The following NTF3 variants were observed in gnomAD, a reference collection of about 807,000 sequenced individuals.
NTF3 encodes neurotrophin 3, also known as neurotrophin-3.
A neutral mutation model predicts 26.3 loss-of-function variants in NTF3; 8 were observed. The ratio of observed to expected loss-of-function variants is 0.30; its 90% CI spans 0.18 to 0.55. The LOEUF is 0.55. Among genes scored for constraint, NTF3 ranks in the 20% least tolerant of loss-of-function variants. The probability of loss-of-function intolerance (pLI) is 0.93; values close to 1 mark genes in which losing one functional copy is unlikely to be tolerated. For missense variants in NTF3, 276 were observed against 352.9 expected, an observed-to-expected ratio of 0.78 and a Z score of 1.75; for synonymous variants, 154 against 145.5, an observed-to-expected ratio of 1.06 and a Z score of -0.42.
Position 5,433,759 on chromosome 12 carries a change from G to T in NTF3, c.18+1417G>T, listed in dbSNP as rs866401777. Among the ~76,000 whole-genome samples the T allele has an allele frequency of 5.3e-5, 8 of 151,728 alleles. No homozygotes were observed. The highest frequency in any genetic ancestry group is 1.9e-4 in the African/African-American group (8 of 41,290). On this transcript the variant is annotated intron_variant, in intron 1 of 1. Transcript: ENST00000423158. The surrounding 1 kb of genome is among the most constrained non-coding windows in gnomAD (Gnocchi z 4.6). ...CAGGTTCTGAGTCCGAATGGAGGTTGCTCCCGGGAGCGCCGGGCTCAGAGC... is the reference window on the plus strand; with the variant it reads ...CAGGTTCTGAGTCCGAATGGAGGTTTCTCCCGGGAGCGCCGGGCTCAGAGC...
At chr12:5,446,712 G>A (rs1455446581) in intron 1 of NTF3, among the ~76,000 whole-genome samples, 1 of 152,164 alleles carries the variant, frequency 6.6e-6, no homozygotes, top group Non-Finnish European at 1.5e-5. Flanking sequence ...TGCAATCCCT[G>A]GGTTTCTCAT....
At chr12:5,442,533 CCTTT>C (rs1353197385) in intron 1 of NTF3, among the ~76,000 whole-genome samples, 1 of 152,170 alleles carries the variant, frequency 6.6e-6, no homozygotes, top group African/African-American at 2.4e-5. Flanking sequence ...GCTTCTACTT[CCTTT>C]CTAATTATAC....
chr12:5,479,630 AC>A (rs778918109), intron 1 of NTF3, among the ~76,000 whole-genome samples: 1 of 152,120 alleles, frequency 6.6e-6, no homozygotes, highest in Non-Finnish European at 1.5e-5. Flanking sequence ...CCCATCCCTC[AC>A]CTACTCTGTG....
intron 1 of NTF3, among the ~76,000 whole-genome samples, chr12:5,476,521 G>A (rs541204524): frequency 3.7e-4 from 56 of 152,318 alleles, no homozygotes; most frequent in South Asian, 6.2e-4. Context: ...AGCAGCCTGC[G>A]TGTCTGCTGG....
At chr12:5,471,539 G>T (rs1325845324) in intron 1 of NTF3, among the ~76,000 whole-genome samples, 1 of 152,204 alleles carries the variant, frequency 6.6e-6, no homozygotes, top group Non-Finnish European at 1.5e-5. Flanking sequence ...TCTCAGGAGA[G>T]GCAGCTTCGG....
chr12:5,449,375 T>G (rs748383658), intron 1 of NTF3, among the ~76,000 whole-genome samples: 12 of 152,232 alleles, frequency 7.9e-5, no homozygotes, highest in Non-Finnish European at 1.8e-4. Flanking sequence ...TTTTCTCTGC[T>G]TTCAGTTTGT....
At chr12:5,477,353 C>T (rs1940737685) in intron 1 of NTF3, among the ~76,000 whole-genome samples, 1 of 152,192 alleles carries the variant, frequency 6.6e-6, no homozygotes, top group Admixed American at 6.5e-5. Context: ...ACCCAAAAAG[C>T]CCTGAAAACC....
intron 1 of NTF3, among the ~76,000 whole-genome samples, chr12:5,475,089 G>A (rs1169022863): frequency 6.6e-6 from 1 of 151,926 alleles, no homozygotes; most frequent in Admixed American, 6.6e-5. Context: ...TGTGCCTGGA[G>A]ATGTGAGCAT....
chr12:5,456,595 G>T lies in NTF3; in HGVS notation c.18+24253G>T, dbSNP rs1940453000. On this transcript the variant is annotated intron_variant, in intron 1 of 1. Coordinates refer to ENST00000423158, the MANE Select transcript of NTF3 (RefSeq NM_001102654.2). This position sits in a 1 kb window ranked among gnomAD's most constrained non-coding sequence, Gnocchi z 4.4. ...TTGCAGCCCTGATCGTGAGCTCTGGGGGTCCTCTTCCACCCCCACCCCCAC... is the reference window on the plus strand; with the variant it reads ...TTGCAGCCCTGATCGTGAGCTCTGGTGGTCCTCTTCCACCCCCACCCCCAC... 6.6e-6 allele frequency among the ~76,000 whole-genome samples: 1 copy of T among 152,092 alleles called. No homozygotes were observed. The highest frequency in any genetic ancestry group is 1.5e-5 in the Non-Finnish European group (1 of 68,006).
intron 1 of NTF3, among the ~76,000 whole-genome samples, chr12:5,492,413 T>C (rs1237206065): frequency 1.3e-5 from 2 of 152,262 alleles, no homozygotes; most frequent in Non-Finnish European, 2.9e-5. Context: ...TTATTCTTTT[T>C]GAGGGGAGTA....
intron 1 of NTF3, 47 bp downstream of exon 1, chr12:5,432,389 G>T: frequency 6.2e-7 from 1 of 1,601,490 alleles, no homozygotes; most frequent in Non-Finnish European, 8.5e-7. Context: ...TTGGGGATGG[G>T]GGTCCACGTG....
Position 5,467,515 on chromosome 12 carries a change from G to A in NTF3, c.19-26679G>A, listed in dbSNP as rs184669370. Among the ~76,000 whole-genome samples the A allele has an allele frequency of 2.7e-3, 408 of 152,278 alleles. 3 individuals carry two copies. The highest frequency in any genetic ancestry group is 3.9e-3 in the Non-Finnish European group (262 of 68,022). On this transcript the variant is annotated intron_variant, in intron 1 of 1. Transcript: ENST00000423158. ...GTTCTTAGGACATATTCCCTTGAGT[G>A]TCTTTTATTATTTCGTTGATTGATT...
chr12:5,461,736 T>A (rs1298225594), intron 1 of NTF3, among the ~76,000 whole-genome samples: 1 of 152,134 alleles, frequency 6.6e-6, no homozygotes, highest in Non-Finnish European at 1.5e-5. Context: ...CTCTATGTGT[T>A]GAGAAGGTTT....
chr12:5,481,918 C>T (rs1940809992), intron 1 of NTF3, among the ~76,000 whole-genome samples: 1 of 151,604 alleles, frequency 6.6e-6, no homozygotes, highest in Non-Finnish European at 1.5e-5. Flanking sequence ...CACCCACGGG[C>T]TTACACAGAC....
At chr12:5,438,114 C>G (rs1940194619) in intron 1 of NTF3, among the ~76,000 whole-genome samples, 1 of 150,600 alleles carries the variant, frequency 6.6e-6, no homozygotes, top group Non-Finnish European at 1.5e-5. Flanking sequence ...TAGATATTAC[C>G]TCATTCTTGC....
At chr12:5,463,272 A>G (rs1339076444) in intron 1 of NTF3, among the ~76,000 whole-genome samples, 2 of 152,214 alleles carry the variant, frequency 1.3e-5, no homozygotes, top group Non-Finnish European at 2.9e-5. Flanking sequence ...CAAATTATAC[A>G]TATAGTGCCT....
chr12:5,439,791 G>T (rs1302092959), intron 1 of NTF3, among the ~76,000 whole-genome samples: 3 of 152,200 alleles, frequency 2.0e-5, no homozygotes, highest in African/African-American at 7.2e-5. Context: ...AAGTGAAAAA[G>T]AATATGAATG....
rs1565395259 is a variant in NTF3, at chr12:5,481,501, G to GA, written c.19-12691dup. Among the ~76,000 whole-genome samples, 83 of 11,934 alleles carry GA rather than the reference G, an allele frequency of 7.0e-3. 2 individuals carry two copies. Among genetic ancestry groups the GA allele is most frequent in the Middle Eastern group, 0.12 (1 of 8 alleles). 7.8% of individuals were successfully genotyped at this position (11,934 alleles called of 152,430 possible). A position where few individuals can be genotyped will look rare whatever the true frequency, so the allele number is the denominator to read the frequency against. On this transcript the variant is annotated intron_variant, in intron 1 of 1. Coordinates refer to ENST00000423158, the MANE Select transcript of NTF3 (RefSeq NM_001102654.2). The stretch of plus-strand genomic sequence containing the variant: ...CATACATGCACACCACAGATACACA[G>GA]AATACCACACACACATGCACACACA...
chr12:5,466,794 G>C (rs1051672118), intron 1 of NTF3, among the ~76,000 whole-genome samples: 33 of 152,212 alleles, frequency 2.2e-4, no homozygotes, highest in African/African-American at 7.5e-4. Context: ...TCCCGGGGAG[G>C]GGGGACTGAC....
Sources: gnomAD v4.1 joint callset for allele counts (sites outside exome capture counted in the v4.1 genomes callset) on GRCh38, gnomAD v4.1.1 for gene constraint, Gnocchi (gnomAD v3.1) non-coding constraint, MANE v1.5 for transcripts, NCBI Gene and HGNC (gene_info 2026-07-23, HGNC 2026-07-21) for gene names.